The following GTPBP4 variants were observed in gnomAD, a reference collection of about 807,000 sequenced individuals.
The protein encoded by GTPBP4 is GTP binding protein 4.
In GTPBP4, 15 loss-of-function variants were observed where a neutral mutation model predicts 81.7. The observed-to-expected ratio is 0.18, with a 90% CI of 0.12 to 0.28. The LOEUF is 0.28. Ranked by LOEUF, GTPBP4 falls within the 10% of genes least tolerant of loss-of-function variation. The probability of loss-of-function intolerance (pLI) is 1.00; values close to 1 mark genes in which losing one functional copy is unlikely to be tolerated. For synonymous variants in GTPBP4, 272 were observed against 274.6 expected (o/e 0.99, Z 0.09); for missense variants, 847 against 793.8 (o/e 1.07, Z -0.81).
At chr10:991,092 G>A (rs778270442) in intron 1 of GTPBP4, among the ~76,000 whole-genome samples, 1 of 151,452 alleles carries the variant, frequency 6.6e-6, no homozygotes, top group Non-Finnish European at 1.5e-5. Context: ...GCAGACTGTT[G>A]TGACCACCCA....
intron 1 of GTPBP4, among the ~76,000 whole-genome samples, chr10:991,735 G>A (rs1342527574): frequency 6.1e-5 from 7 of 115,312 alleles, no homozygotes; most frequent in African/African-American, 6.8e-5. Context: ...TCGCTCTGTC[G>A]CCCAGGCTGG....
chr10:1,010,463 A>G lies in GTPBP4; in HGVS notation c.1287A>G (p.Ile429Met). The G allele has an allele frequency of 6.3e-7, 1 of 1,584,942 alleles. No individual in the cohort carries two copies. Among genetic ancestry groups the G allele is most frequent in the Non-Finnish European group, 8.7e-7 (1 of 1,153,460 alleles). Residue 429 changes from isoleucine (I) to methionine (M), a missense_variant, in exon 13 of 17, where the codon ATA becomes ATG. Transcript: ENST00000360803. Reference protein sequence around the residue: ...LMNLSEKHDKIPEIWEGHNIA... With the variant: ...LMNLSEKHDKMPEIWEGHNIA... ...ATTTGTCTGAAAAACATGATAAGAT[A>G]CCAGAAATCTGGGAAGGCCATAATA...
chr10:1,008,445 CT>C (rs1831791078), intron 10 of GTPBP4: 6 of 328,750 alleles, frequency 1.8e-5, no homozygotes, highest in East Asian at 8.0e-5. Context: ...TAAAAATTAG[CT>C]TTTTTGGATA....
chr10:997,433 G>A (rs1176338035), intron 5 of GTPBP4, 125 bp downstream of exon 5: 1 of 725,994 alleles, frequency 1.4e-6, no homozygotes, highest in Non-Finnish European at 2.5e-6. Context: ...GACTGCGTGG[G>A]ATTCAGGACG....
Position 1,010,411 on chromosome 10 carries a change from T to TA in GTPBP4, c.1244-7dup, listed in dbSNP as rs757944261. The TA allele has an allele frequency of 1.4e-6, 2 of 1,421,718 alleles. No individual in the cohort carries two copies. The highest frequency in any genetic ancestry group is 2.3e-5 in the East Asian group (1 of 44,062). 88.1% of individuals were successfully genotyped at this position (1,421,718 alleles called of 1,614,324 possible). A position where few individuals can be genotyped will look rare whatever the true frequency, so the allele number is the denominator to read the frequency against. ...GCTGTAAACGTAACCACCTTTTTTTTAACTTTAGAGTACTGGGATTTAATG... is the reference window on the plus strand; with the variant it reads ...GCTGTAAACGTAACCACCTTTTTTTTAAACTTTAGAGTACTGGGATTTAATG... On this transcript the variant is annotated splice_polypyrimidine_tract_variant and intron_variant, in intron 12 of 16. Transcript: ENST00000360803.
intron 8 of GTPBP4, among the ~76,000 whole-genome samples, chr10:1,001,808 CAT>C (rs113665074): frequency 3.3e-5 from 5 of 151,792 alleles, no homozygotes; most frequent in East Asian, 1.9e-4. Context: ...TGTGGCCTAA[CAT>C]ATGGTCTATC....
chr10:1,011,738 C>G (rs748691776), intron 13 of GTPBP4, among the ~76,000 whole-genome samples: 2 of 152,254 alleles, frequency 1.3e-5, no homozygotes, highest in Admixed American at 6.5e-5. Flanking sequence ...GGAGGAGTGG[C>G]CTCAGGGCAT....
chr10:1,017,088 C>A lies in GTPBP4; in HGVS notation c.1766C>A (p.Ala589Asp). The part of the protein sequence containing the change: ...GLRDVKMVKK[A>D]KTMMKNAQKK... The stretch of plus-strand genomic sequence containing the variant: ...TCCTCCTTTTAGATGGTGAAGAAAG[C>A]CAAGACTATGATGAAGAATGCTCAG... The change falls in exon 17 of 17, where the codon GCC (alanine) becomes GAC (aspartate). Residue 589 changes from alanine (A) to aspartate (D), a missense_variant. Ala to Asp is a moderately radical substitution (Grantham distance 126). This residue lies in a region of GTPBP4 where 600 missense variants were observed against 557.1 expected (regional missense o/e 1.08). Transcript: ENST00000360803. 6.2e-7 allele frequency: 1 copy of A among 1,612,146 alleles called. No homozygotes were observed. Among genetic ancestry groups the A allele is most frequent in the Non-Finnish European group, 8.5e-7 (1 of 1,179,020 alleles).
Position 1,000,678 on chromosome 10 carries a change from T to C in GTPBP4, c.656T>C (p.Val219Ala). 2.6e-6 allele frequency: 4 copies of C among 1,522,116 alleles called. No homozygotes were observed. Among genetic ancestry groups the C allele is most frequent in the South Asian group, 2.7e-5 (2 of 75,212 alleles). 94.3% of individuals were successfully genotyped at this position (1,522,116 alleles called of 1,614,324 possible). The part of the protein sequence containing the change: ...HMDYKYLRWQ[V>A]VDTPGILDHP... The stretch of plus-strand genomic sequence containing the variant: ...AGTGACAAGGTCTGGCTGTGTTAGG[T>C]TGTAGACACTCCTGGGATCCTGGAC... The change falls in exon 7 of 17, where the codon GTT (valine) becomes GCT (alanine). Residue 219 changes from valine (V) to alanine (A), a missense_variant and splice_region_variant. By Grantham distance (64) the Val-to-Ala change is moderately conservative. This residue lies in a region of GTPBP4 where 600 missense variants were observed against 557.1 expected (regional missense o/e 1.08). Coordinates refer to ENST00000360803, the MANE Select transcript of GTPBP4 (RefSeq NM_012341.3).
chr10:1,001,200 G>A (rs1032723884), intron 8 of GTPBP4, among the ~76,000 whole-genome samples, 187 bp downstream of exon 8: 3 of 152,150 alleles, frequency 2.0e-5, no homozygotes, highest in Admixed American at 1.3e-4. Context: ...AAACTAAAAC[G>A]AAAACATAAG....
At chr10:1,001,119 T>G (rs1455553155) in intron 8 of GTPBP4, 106 bp downstream of exon 8, 2 of 723,358 alleles carry the variant, frequency 2.8e-6, no homozygotes, top group Admixed American at 4.4e-5. Flanking sequence ...TAGTCCACAA[T>G]TGTATTTTAT....
intron 14 of GTPBP4, among the ~76,000 whole-genome samples, chr10:1,013,669 C>T (rs1831921221): frequency 6.6e-6 from 1 of 152,162 alleles, no homozygotes; most frequent in South Asian, 2.1e-4. Flanking sequence ...AAACCTGACG[C>T]AGTCTACAAA....
chr10:1,009,462 AG>A (rs1454109367), intron 11 of GTPBP4, 66 bp from the exon 12 acceptor site: 4 of 1,013,030 alleles, frequency 3.9e-6, no homozygotes, highest in Non-Finnish European at 4.8e-6. Flanking sequence ...TCAAGTGACA[AG>A]GGGCAGAGCA....
intron 12 of GTPBP4, among the ~76,000 whole-genome samples, chr10:1,009,790 T>G (rs1831815519): frequency 6.6e-6 from 1 of 151,970 alleles, no homozygotes; most frequent in Non-Finnish European, 1.5e-5. Flanking sequence ...TGCCCAGGAG[T>G]TTGAGACCAA....
At chr10:1,001,036 A>G (rs1202109954) in intron 8 of GTPBP4, 23 bp downstream of exon 8, 8 of 1,530,368 alleles carry the variant, frequency 5.2e-6, no homozygotes, top group African/African-American at 2.7e-5. Context: ...AATATTTTGA[A>G]TATTTCTTAC....
At position 1,003,908 on chromosome 10, in the gene GTPBP4, T is replaced by C. The variant is rs552916273; in HGVS notation, c.913-1910T>C. Among the ~76,000 whole-genome samples, 26 of 152,288 alleles carry C rather than the reference T, an allele frequency of 1.7e-4. No individual in the cohort carries two copies. The South Asian group carries it at 2.1e-3, about 12-fold the overall frequency. On this transcript the variant is annotated intron_variant, in intron 8 of 16. Transcript: ENST00000360803. ...CAGGGTAGCTGTGGGACTGGGGTCCTAGCCTTAGGGTCTTGTGTGCCTATC... is the reference window on the plus strand; with the variant it reads ...CAGGGTAGCTGTGGGACTGGGGTCCCAGCCTTAGGGTCTTGTGTGCCTATC...
intron 10 of GTPBP4, 37 bp from the exon 11 acceptor site, chr10:1,008,921 G>A (rs1210995487): frequency 6.9e-7 from 1 of 1,439,912 alleles, no homozygotes; most frequent in South Asian, 1.1e-5. Flanking sequence ...CATTCAGCAG[G>A]CATTTCACAT....
chr10:1,000,864 A>G lies in GTPBP4; in HGVS notation c.842A>G (p.Asn281Ser), dbSNP rs750693721. The change falls in exon 7 of 17, where the codon AAC becomes AGC. Residue 281 changes from asparagine to serine, a missense_variant. By Grantham distance (46) the Asn-to-Ser change is conservative. Around this residue, in one of 3 missense-constraint regions of GTPBP4, gnomAD observed 600 missense variants for 557.1 expected, o/e 1.08. Coordinates refer to ENST00000360803, the MANE Select transcript of GTPBP4 (RefSeq NM_012341.3). ...CAGAACATCAGACCTCTCTTCATCA[A>G]CAAGGTGTGTGTGGTCACTCATGTT... ...LFQNIRPLFI[N>S]KPLIVVANKC... The G allele has an allele frequency of 1.2e-6, 2 of 1,611,762 alleles. No individual in the cohort carries two copies. Among genetic ancestry groups the G allele is most frequent in the East Asian group, 4.5e-5 (2 of 44,858 alleles).
intron 1 of GTPBP4, chr10:988,856 C>T: frequency 3.5e-6 from 1 of 285,560 alleles, no homozygotes; most frequent in Non-Finnish European, 6.6e-6. Flanking sequence ...TGGAGGGGGA[C>T]CCCGACATGT....
Sources: gnomAD v4.1 joint callset for allele counts (sites outside exome capture counted in the v4.1 genomes callset) on GRCh38, gnomAD v4.1.1 for gene constraint, gnomAD v4.1.1 regional missense constraint, MANE v1.5 for transcripts, NCBI Gene and HGNC (gene_info 2026-07-23, HGNC 2026-07-21) for gene names.